The following ATE1 variants were observed in gnomAD, a reference collection of about 807,000 sequenced individuals.
ATE1 encodes the protein arginyl-tRNA--protein transferase 1.
In ATE1, 36 loss-of-function variants were observed where a neutral mutation model predicts 70.5. The ratio of observed to expected loss-of-function variants is 0.51; its 90% CI spans 0.39 to 0.67. ATE1 has a LOEUF of 0.67. ATE1 is among the 30% of genes least tolerant of loss of function. ATE1 has a pLI of 0.00. For synonymous variants in ATE1, 232 were observed against 219.3 expected (o/e 1.06, Z -0.51); for missense variants, 593 against 629.5 (o/e 0.94, Z 0.62).
chr10:121,917,964 C>T (rs1319789759), intron 3 of ATE1, among the ~76,000 whole-genome samples: 1 of 152,170 alleles, frequency 6.6e-6, no homozygotes. Context: ...TTTCCTTTAT[C>T]TAAGTTCTCA....
At chr10:121,859,090 C>T (rs117815712) in intron 8 of ATE1, among the ~76,000 whole-genome samples, 4,988 of 151,196 alleles carry the variant, frequency 0.033, 147 homozygotes, top group African/African-American at 0.082. Flanking sequence ...AGCAAAACTC[C>T]GTCTCCAAAA....
chr10:121,900,059 AT>A, intron 6 of ATE1, 65 bp from the exon 7 acceptor site: 1 of 1,545,774 alleles, frequency 6.5e-7, no homozygotes, highest in East Asian at 2.3e-5. Context: ...TGGAATATGC[AT>A]TAAGAGTAAC....
intron 5 of ATE1, among the ~76,000 whole-genome samples, chr10:121,909,862 T>C (rs1951351136): frequency 6.6e-6 from 1 of 151,984 alleles, no homozygotes; most frequent in African/African-American, 2.4e-5. Context: ...CTGGGTAATA[T>C]AGTGAGACCC....
intron 5 of ATE1, among the ~76,000 whole-genome samples, chr10:121,910,071 C>T (rs1252349688): frequency 1.3e-5 from 2 of 152,140 alleles, no homozygotes; most frequent in Non-Finnish European, 2.9e-5. Flanking sequence ...TTTTCTTGAA[C>T]TATTAGTATT....
At chr10:121,919,054 T>G (rs1045704796) in intron 3 of ATE1, among the ~76,000 whole-genome samples, 1 of 150,948 alleles carries the variant, frequency 6.6e-6, no homozygotes, top group African/African-American at 2.4e-5. Flanking sequence ...AATGGACCAA[T>G]CAGCAGGACA....
Position 121,789,604 on chromosome 10 carries a change from T to C in ATE1, c.1378+565A>G, listed in dbSNP as rs188157760. 4.3e-4 allele frequency among the ~76,000 whole-genome samples: 66 copies of C among 152,206 alleles called. 1 individual carries two copies. In the East Asian group the frequency reaches 0.012, roughly 27 times the overall value. The stretch of plus-strand genomic sequence containing the variant: ...GTGAGCCACGGCACCCAGCCAGGGA[T>C]ATACTTTCAATGTCTGTATATACTC... On this transcript the variant is annotated intron_variant, in intron 11 of 11. Coordinates refer to ENST00000224652, the MANE Select transcript of ATE1 (RefSeq NM_001001976.3).
intron 8 of ATE1, among the ~76,000 whole-genome samples, chr10:121,851,621 G>C (rs4604807): frequency 0.81 from 122,892 of 152,140 alleles, 51,625 homozygotes; most frequent in Middle Eastern, 0.94. Context: ...AAAATTACAT[G>C]AGTAGCTAAC....
chr10:121,756,026 C>A (rs1944785005), intron 11 of ATE1, among the ~76,000 whole-genome samples: 2 of 152,214 alleles, frequency 1.3e-5, no homozygotes, highest in South Asian at 4.1e-4. Flanking sequence ...AGGCAAGTCC[C>A]TTCTGCCTAT....
At chr10:121,862,316 T>C (rs1949501817) in intron 8 of ATE1, among the ~76,000 whole-genome samples, 1 of 152,016 alleles carries the variant, frequency 6.6e-6, no homozygotes, top group Admixed American at 6.6e-5. Context: ...GAGACCTTGA[T>C]ATCTACAGCT....
At chr10:121,826,219 A>T (rs1313438781) in intron 10 of ATE1, among the ~76,000 whole-genome samples, 1 of 148,708 alleles carries the variant, frequency 6.7e-6, no homozygotes, top group Non-Finnish European at 1.5e-5. Context: ...GTGCACAGCA[A>T]TGTGAATGTA....
intron 10 of ATE1, among the ~76,000 whole-genome samples, chr10:121,835,579 T>A (rs1042249752): frequency 1.3e-5 from 2 of 151,812 alleles, no homozygotes; most frequent in Admixed American, 6.6e-5. Flanking sequence ...GTCAAACAAA[T>A]TGACTGTAAA....
At chr10:121,902,651 C>T (rs376833734) in intron 5 of ATE1, 31 bp from the exon 6 acceptor site, 7 of 1,551,684 alleles carry the variant, frequency 4.5e-6, no homozygotes, top group Middle Eastern at 1.7e-4. Flanking sequence ...TTAGACCAAT[C>T]ACATTTGGTT....
intron 10 of ATE1, among the ~76,000 whole-genome samples, chr10:121,826,138 G>T (rs1184844330): frequency 2.6e-5 from 4 of 152,266 alleles, no homozygotes; most frequent in South Asian, 4.1e-4. Context: ...GTGGGGAAGG[G>T]GGAGCTATCG....
chr10:121,914,958 C>T (rs1951585844), intron 3 of ATE1, among the ~76,000 whole-genome samples: 1 of 152,192 alleles, frequency 6.6e-6, no homozygotes, highest in South Asian at 2.1e-4. Context: ...AGATCACCCA[C>T]AGTAAACAAG....
At chr10:121,844,520 AGGAGCT>A (rs1450611235) in intron 8 of ATE1, among the ~76,000 whole-genome samples, 5 of 152,224 alleles carry the variant, frequency 3.3e-5, no homozygotes, top group Admixed American at 6.5e-5. Context: ...TAGATGATTT[AGGAGCT>A]GCTCATAAAA....
intron 7 of ATE1, chr10:121,898,841 C>G (rs1003233435): frequency 1.2e-6 from 2 of 1,613,460 alleles, no homozygotes; most frequent in Admixed American, 1.7e-5. Context: ...TTAACAATAC[C>G]TCAGTCTTCC....
At chr10:121,880,742 T>C (rs1590613703) in intron 7 of ATE1, among the ~76,000 whole-genome samples, 1 of 152,124 alleles carries the variant, frequency 6.6e-6, no homozygotes, top group Non-Finnish European at 1.5e-5. Context: ...TTTTTAATCA[T>C]ACAGGCAGTT....
chr10:121,904,578 T>A (rs973688957), intron 5 of ATE1, among the ~76,000 whole-genome samples: 1 of 143,870 alleles, frequency 7.0e-6, no homozygotes, highest in Non-Finnish European at 1.5e-5. Context: ...TAGGTGGAGG[T>A]TGCAGTGAGC....
At chr10:121,759,942 T>C (rs779951504) in intron 11 of ATE1, among the ~76,000 whole-genome samples, 1 of 152,150 alleles carries the variant, frequency 6.6e-6, no homozygotes, top group South Asian at 2.1e-4. Flanking sequence ...TTAATCATAC[T>C]GAAAACACAA....
Sources: allele counts gnomAD v4.1 joint callset (sites outside exome capture counted in the v4.1 genomes callset), GRCh38; gene constraint gnomAD v4.1.1; transcripts MANE v1.5; gene names NCBI Gene and HGNC (gene_info 2026-07-23, HGNC 2026-07-21).